STX2: variants seen among roughly 807,000 people sequenced by gnomAD.
STX2 encodes the protein syntaxin-2.
In STX2, 27 loss-of-function variants were observed where a neutral mutation model predicts 40.6. The observed-to-expected ratio is 0.66, with a 90% CI of 0.49 to 0.92. The LOEUF (loss-of-function observed/expected upper bound fraction) is 0.92. Among genes scored for constraint, STX2 ranks in the 40% least tolerant of loss-of-function variants. The pLI is 0.00. For synonymous variants in STX2, 123 were observed against 119.1 expected, an observed-to-expected ratio of 1.03 and a Z score of -0.22; for missense variants, 328 against 366.1, an observed-to-expected ratio of 0.90 and a Z score of 0.85.
chr12:130,832,968 A>ACCCTCG (rs1952626498), intron 1 of STX2, among the ~76,000 whole-genome samples: 2 of 151,972 alleles, frequency 1.3e-5, no homozygotes, highest in Non-Finnish European at 2.9e-5. Flanking sequence ...CCACACCCAC[A>ACCCTCG]CCCTCGCCCT....
intron 2 of STX2, among the ~76,000 whole-genome samples, chr12:130,825,943 C>G (rs1480241658): frequency 3.3e-5 from 5 of 152,164 alleles, no homozygotes; most frequent in Non-Finnish European, 7.3e-5. Context: ...AATTAAGCAA[C>G]ATTAGATCAG....
At chr12:130,829,654 G>C (rs1168429459) in intron 1 of STX2, among the ~76,000 whole-genome samples, 1 of 152,240 alleles carries the variant, frequency 6.6e-6, no homozygotes, top group Non-Finnish European at 1.5e-5. Context: ...CTGTCTCCAA[G>C]TGCTCACTTG....
intron 5 of STX2, among the ~76,000 whole-genome samples, chr12:130,808,243 C>T (rs997855274): frequency 1.3e-5 from 2 of 152,256 alleles, no homozygotes; most frequent in African/African-American, 4.8e-5. Context: ...GAAATGTGAA[C>T]GCAGTGAGCC....
intron 6 of STX2, among the ~76,000 whole-genome samples, chr12:130,805,880 A>T (rs1441634294): frequency 6.6e-6 from 1 of 152,190 alleles, no homozygotes; most frequent in Non-Finnish European, 1.5e-5. Flanking sequence ...AGCCACAGAA[A>T]GGAAGGAAAT....
Position 130,827,212 on chromosome 12 carries a change from A to G in STX2, c.86T>C (p.Met29Thr). ...TCTTACCTGATGGAAGAAATCATCC[A>G]TGAAATGATCTTTCTCAACCACAAC... ...TVVVVEKDHF[M>T]DDFFHQVEEI... The change falls in exon 2 of 11, where the codon ATG becomes ACG. Residue 29 changes from methionine (M) to threonine (T), a missense_variant. Physicochemically the swap from Met to Thr is moderately conservative, Grantham distance 81 (BLOSUM62 -1). Coordinates refer to ENST00000392373, the MANE Select transcript of STX2 (RefSeq NM_194356.4). 6 of 1,613,854 alleles carry G rather than the reference A, an allele frequency of 3.7e-6. No homozygotes were observed. Among genetic ancestry groups the G allele is most frequent in the Non-Finnish European group, 4.2e-6 (5 of 1,179,884 alleles).
At chr12:130,831,145 C>T (rs950689489) in intron 1 of STX2, among the ~76,000 whole-genome samples, 2 of 152,182 alleles carry the variant, frequency 1.3e-5, no homozygotes, top group African/African-American at 4.8e-5. Flanking sequence ...GCTGAACTAC[C>T]ACAAATGGCA....
chr12:130,815,228 C>T (rs1348010490), intron 3 of STX2, among the ~76,000 whole-genome samples: 2 of 152,154 alleles, frequency 1.3e-5, no homozygotes, highest in African/African-American at 4.8e-5. Flanking sequence ...TCTACCACCC[C>T]AAGGGGTATT....
chr12:130,802,254 G>C (rs1048189819), intron 6 of STX2, among the ~76,000 whole-genome samples: 1 of 152,168 alleles, frequency 6.6e-6, no homozygotes. Context: ...CTGGAGTGCA[G>C]GGGCACCGTC....
intron 1 of STX2, among the ~76,000 whole-genome samples, chr12:130,834,141 T>C (rs11061157): frequency 0.064 from 9,761 of 152,156 alleles, 409 homozygotes; most frequent in Non-Finnish European, 0.092. Context: ...CCCAGCACTT[T>C]GGGAGGCCGA....
intron 3 of STX2, among the ~76,000 whole-genome samples, chr12:130,816,386 C>T (rs1048911932): frequency 1.3e-5 from 2 of 151,104 alleles, no homozygotes; most frequent in Admixed American, 6.6e-5. Context: ...GCACTCATGA[C>T]GGAGTGAACT....
intron 1 of STX2, among the ~76,000 whole-genome samples, chr12:130,834,289 G>A (rs192031474): frequency 4.0e-5 from 6 of 151,304 alleles, no homozygotes; most frequent in South Asian, 2.1e-4. Context: ...CCCTAGAGGC[G>A]GAGGATGCAG....
chr12:130,826,937 A>T (rs2136335687), intron 2 of STX2, among the ~76,000 whole-genome samples: 1 of 151,828 alleles, frequency 6.6e-6, no homozygotes, highest in Admixed American at 6.6e-5. Context: ...TGAACCTGGG[A>T]GGCAGAGGTT....
intron 8 of STX2, 26 bp downstream of exon 8, chr12:130,801,127 T>G: frequency 6.3e-7 from 1 of 1,593,884 alleles, no homozygotes; most frequent in Non-Finnish European, 8.6e-7. Context: ...ATATCTCTCT[T>G]GGAGAATGCA....
At chr12:130,822,958 C>A (rs910002511) in intron 2 of STX2, among the ~76,000 whole-genome samples, 1 of 152,150 alleles carries the variant, frequency 6.6e-6, no homozygotes, top group Admixed American at 6.5e-5. Flanking sequence ...CAAGGTGAGC[C>A]CTGGAGCAAG....
chr12:130,827,111 AG>A, intron 2 of STX2, 81 bp downstream of exon 2: 1 of 542,332 alleles, frequency 1.8e-6, no homozygotes. Flanking sequence ...AGGGAGAGGG[AG>A]GGAAGAAAGG....
intron 6 of STX2, among the ~76,000 whole-genome samples, chr12:130,805,495 AG>A (rs1951397179): frequency 6.6e-6 from 1 of 152,160 alleles, no homozygotes; most frequent in Non-Finnish European, 1.5e-5. Context: ...ATGAGAGATG[AG>A]AGAGATGCAG....
chr12:130,823,500 T>C lies in STX2; in HGVS notation c.106-1712A>G, dbSNP rs114628414. ...GGTGGGCCCAACGTAACCACAGGAT[T>C]CCTTATAAGACGAGGCAAGGGAGCC... On this transcript the variant is annotated intron_variant, in intron 2 of 10. Transcript: ENST00000392373. Among the ~76,000 whole-genome samples the C allele has an allele frequency of 2.2e-3, 333 of 152,302 alleles. 5 individuals carry two copies. Among genetic ancestry groups the C allele is most frequent in the African/African-American group, 7.9e-3 (327 of 41,570 alleles).
chr12:130,793,206 G>C (rs550744039), intron 10 of STX2, among the ~76,000 whole-genome samples: 47 of 152,284 alleles, frequency 3.1e-4, no homozygotes, highest in African/African-American at 1.1e-3. Context: ...CAGGACCGGG[G>C]AGAGCTGCCT....
intron 5 of STX2, among the ~76,000 whole-genome samples, chr12:130,807,491 G>A (rs1428883456): frequency 4.7e-5 from 7 of 149,478 alleles, no homozygotes; most frequent in Non-Finnish European, 1.0e-4. Context: ...ATCGCCTTGT[G>A]CCCATGAGGG....
Sources: gnomAD v4.1 joint callset for allele counts (sites outside exome capture counted in the v4.1 genomes callset) on GRCh38, gnomAD v4.1.1 for gene constraint, MANE v1.5 for transcripts, NCBI Gene and HGNC (gene_info 2026-07-23, HGNC 2026-07-21) for gene names.